The following NPFFR1 variants were observed in gnomAD, a reference collection of about 807,000 sequenced individuals.
The protein encoded by NPFFR1 is neuropeptide FF receptor 1.
In NPFFR1, 17 loss-of-function variants were observed where a neutral mutation model predicts 12.7. The observed-to-expected ratio is 1.34, with a 90% confidence interval of 0.92 to 2.01. The LOEUF is 2.01. Ranked by LOEUF, NPFFR1 falls within the 30% of genes most tolerant of loss-of-function variation. The pLI, the probability that NPFFR1 is intolerant of heterozygous loss-of-function variation, is 0.00. For synonymous variants in NPFFR1, 296 were observed against 264.5 expected (o/e 1.12, Z -1.16); for missense variants, 604 against 606.5 (o/e 1.00, Z 0.04).
At chr10:70,279,902 C>T (rs1589917127) in intron 1 of NPFFR1, among the ~76,000 whole-genome samples, 2 of 152,240 alleles carry the variant, frequency 1.3e-5, no homozygotes, top group East Asian at 1.9e-4. Flanking sequence ...CATTCTCCCC[C>T]ACCACAGAGC....
At position 70,248,485 on chromosome 10, in the gene NPFFR1, G is replaced by GTTTTTTTTTTTTTTTTTTTTTT. The variant is rs869052329; in HGVS notation, c.*6471_*6472insAAAAAAAAAAAAAAAAAAAAAA. 1.1e-5 allele frequency: 1 copy of GTTTTTTTTTTTTTTTTTTTTTT among 91,332 alleles called. No homozygotes were observed. The highest frequency in any genetic ancestry group is 2.1e-5 in the Non-Finnish European group (1 of 46,990). 5.7% of individuals were successfully genotyped at this position (91,332 alleles called of 1,614,324 possible). Reference sequence around the variant, plus strand: ...GCCTGGCGTTTTTTTTTTGTTTTTTGTTTTTTTTTTTTTTTTTTGAGATGG... The same window carrying GTTTTTTTTTTTTTTTTTTTTTT: ...GCCTGGCGTTTTTTTTTTGTTTTTTGTTTTTTTTTTTTTTTTTTTTTTTTTTTTTTTTTTTTTTTTGAGATGG... On this transcript the variant is annotated 3_prime_UTR_variant, in exon 4 of 4. Transcript: ENST00000277942.
intron 3 of NPFFR1, among the ~76,000 whole-genome samples, chr10:70,258,117 G>C (rs1413284892): frequency 6.6e-6 from 1 of 152,152 alleles, no homozygotes; most frequent in Non-Finnish European, 1.5e-5. Context: ...TGGGCCCACT[G>C]TTGTTTCTCT....
chr10:70,272,211 G>GAAAGAAAGAAAGAAAGAGA lies in NPFFR1; in HGVS notation c.8-5821_8-5820insTCTCTTTCTTTCTTTCTTT, dbSNP rs10664195. 5.7e-4 allele frequency among the ~76,000 whole-genome samples: 32 copies of GAAAGAAAGAAAGAAAGAGA among 55,864 alleles called. 1 individual carries two copies. The highest frequency in any genetic ancestry group is 3.7e-3 in the South Asian group (7 of 1,884). The allele number at this position is 55,864 out of a possible 152,430, so 36.6% of individuals were successfully genotyped here. On this transcript the variant is annotated intron_variant, in intron 1 of 3. Coordinates refer to ENST00000277942, the MANE Select transcript of NPFFR1 (RefSeq NM_022146.5). ...GGGAGGAAAGAAAGAAAGAAAGAAA[G>GAAAGAAAGAAAGAAAGAGA]GAAAGAAAGAAAGAAAGAAAGAAAG... is the stretch of plus-strand genomic sequence containing the variant.
intron 1 of NPFFR1, among the ~76,000 whole-genome samples, chr10:70,283,191 G>A (rs1169416926): frequency 6.6e-6 from 1 of 151,690 alleles, no homozygotes; most frequent in Non-Finnish European, 1.5e-5. Context: ...CACAAATACA[G>A]AGGCACCCCA....
intron 1 of NPFFR1, among the ~76,000 whole-genome samples, chr10:70,277,455 G>T (rs1452526360): frequency 6.6e-6 from 1 of 152,216 alleles, no homozygotes; most frequent in Non-Finnish European, 1.5e-5. Flanking sequence ...AAAGGACAGG[G>T]CACAGAGACT....
chr10:70,250,530 G>A lies in NPFFR1; in HGVS notation c.*4427C>T, dbSNP rs567768203. The A allele has an allele frequency of 2.0e-5, 3 of 152,340 alleles. No individual in the cohort carries two copies. The highest frequency in any genetic ancestry group is 7.2e-5 in the African/African-American group (3 of 41,560). 9.4% of individuals were successfully genotyped at this position (152,340 alleles called of 1,614,324 possible). The stretch of plus-strand genomic sequence containing the variant: ...CAACTGATGAATGGATAAACAAAAT[G>A]TGATCTATTCATACAGTGGAATAGT... On this transcript the variant is annotated 3_prime_UTR_variant, in exon 4 of 4. Coordinates refer to ENST00000277942, the MANE Select transcript of NPFFR1 (RefSeq NM_022146.5).
chr10:70,253,917 G>A lies in NPFFR1; in HGVS notation c.*1040C>T, dbSNP rs1052949601. ...CCTCCTTAGAGTACACAAGTCATTTGTGCTGGGGAAGAGTTTAGTGTGTGT... is the reference window on the plus strand; with the variant it reads ...CCTCCTTAGAGTACACAAGTCATTTATGCTGGGGAAGAGTTTAGTGTGTGT... On this transcript the variant is annotated 3_prime_UTR_variant, in exon 4 of 4. Coordinates refer to ENST00000277942, the MANE Select transcript of NPFFR1 (RefSeq NM_022146.5). The A allele has an allele frequency of 6.6e-6, 1 of 152,154 alleles. No homozygotes were observed. Among genetic ancestry groups the A allele is most frequent in the Admixed American group, 6.5e-5 (1 of 15,274 alleles). 9.4% of individuals were successfully genotyped at this position (152,154 alleles called of 1,614,324 possible).
chr10:70,277,682 A>G (rs1221511311), intron 1 of NPFFR1, among the ~76,000 whole-genome samples: 1 of 152,116 alleles, frequency 6.6e-6, no homozygotes, highest in Non-Finnish European at 1.5e-5. Flanking sequence ...TCTCTCAGCC[A>G]CAGAGCTTCT....
chr10:70,268,271 AC>A (rs914685901), intron 1 of NPFFR1, among the ~76,000 whole-genome samples: 13 of 152,236 alleles, frequency 8.5e-5, no homozygotes, highest in African/African-American at 2.7e-4. Context: ...ACTCAAAAAA[AC>A]AACATGAAAA....
At chr10:70,264,190 A>T (rs1840664190) in intron 2 of NPFFR1, among the ~76,000 whole-genome samples, 1 of 152,064 alleles carries the variant, frequency 6.6e-6, no homozygotes, top group Non-Finnish European at 1.5e-5. Context: ...ACTGGCTAAC[A>T]TGGTGAAACC....
chr10:70,282,589 G>C (rs985049307), intron 1 of NPFFR1, among the ~76,000 whole-genome samples: 10 of 152,048 alleles, frequency 6.6e-5, no homozygotes, highest in Non-Finnish European at 1.5e-4. Flanking sequence ...TGGAATTTTG[G>C]GGTTTTATTA....
intron 1 of NPFFR1, among the ~76,000 whole-genome samples, chr10:70,274,221 A>C (rs1840777788): frequency 6.6e-6 from 1 of 150,882 alleles, no homozygotes; most frequent in Non-Finnish European, 1.5e-5. Context: ...AGATGGAAGG[A>C]GGCAGATCAC....
In NPFFR1 at chr10:70,254,766, G is replaced by C. The variant is rs1444604232; in HGVS notation, c.*191C>G. 1 of 574,794 alleles carries C rather than the reference G, an allele frequency of 1.7e-6. No homozygotes were observed. Among genetic ancestry groups the C allele is most frequent in the East Asian group, 3.5e-5 (1 of 28,962 alleles). The allele number at this position is 574,794 out of a possible 1,614,324, so 35.6% of individuals were successfully genotyped here. On this transcript the variant is annotated 3_prime_UTR_variant, in exon 4 of 4. Coordinates refer to ENST00000277942, the MANE Select transcript of NPFFR1 (RefSeq NM_022146.5). ...ACACAGGGCAAGTTGGTTCCTTCCC[G>C]TCCCCCGCATTTGCCTCTACTGAGG...
At chr10:70,283,610 C>G (rs151226427) in intron 1 of NPFFR1, 60 bp downstream of exon 1, 18,021 of 1,487,084 alleles carry the variant, frequency 0.012, 130 homozygotes, top group Middle Eastern at 0.039. Context: ...CTCCCTTCGC[C>G]CCATGCCCCG....
rs866906753 is a variant in NPFFR1 at position 70,254,971 on chromosome 10, C to T, written c.1279G>A (p.Ala427Thr). 3 of 1,435,492 alleles carry T rather than the reference C, an allele frequency of 2.1e-6. No individual in the cohort carries two copies. Among genetic ancestry groups the T allele is most frequent in the African/African-American group, 3.0e-5 (2 of 66,668 alleles). 88.9% of individuals were successfully genotyped at this position (1,435,492 alleles called of 1,614,324 possible). A position where few individuals can be genotyped will look rare whatever the true frequency, so the allele number is the denominator to read the frequency against. Reference protein sequence around the residue: ...GCSHLPLTIPAWDI With the variant: ...GCSHLPLTIPTWDI ...CCTGGACCCCCTCAGATATCCCAGGCTGGAATGGTGAGGGGCAGGTGGGAG... is the reference window on the plus strand; with the variant it reads ...CCTGGACCCCCTCAGATATCCCAGGTTGGAATGGTGAGGGGCAGGTGGGAG... Residue 427 changes from alanine (A) to threonine (T), a missense_variant, in exon 4 of 4, where the codon GCC (alanine) becomes ACC (threonine). Transcript: ENST00000277942.
chr10:70,260,561 C>T (rs1463466721), intron 3 of NPFFR1, 79 bp downstream of exon 3: 12 of 1,277,434 alleles, frequency 9.4e-6, no homozygotes, highest in Non-Finnish European at 1.1e-6. Flanking sequence ...TTCCAGCCAA[C>T]CCAGCATTAG....
chr10:70,262,938 G>A (rs376654383), intron 2 of NPFFR1, among the ~76,000 whole-genome samples: 2 of 152,238 alleles, frequency 1.3e-5, no homozygotes, highest in East Asian at 1.9e-4. Context: ...CAGGAGGATC[G>A]CTTGAGCCCA....
At chr10:70,267,482 G>A (rs535157558) in intron 1 of NPFFR1, among the ~76,000 whole-genome samples, 6 of 152,208 alleles carry the variant, frequency 3.9e-5, no homozygotes, top group African/African-American at 1.4e-4. Context: ...TGAAATGGAG[G>A]TCAGAAAGGT....
In NPFFR1 at chr10:70,253,180, A is replaced by G. The variant is rs1014360; in HGVS notation, c.*1777T>C. On this transcript the variant is annotated 3_prime_UTR_variant, in exon 4 of 4. Transcript: ENST00000277942. ...CCCCCAGAACCAGGACAAGGTCATG[A>G]TGGCTCTTGGCAGCCTGCTCAGCAC... The G allele has an allele frequency of 0.17, 25,194 of 152,300 alleles. 2,302 individuals carry two copies. Among genetic ancestry groups the G allele is most frequent in the African/African-American group, 0.22 (8,973 of 41,464 alleles). The allele number at this position is 152,300 out of a possible 1,614,324, so 9.4% of individuals were successfully genotyped here.
Sources: allele counts gnomAD v4.1 joint callset (sites outside exome capture counted in the v4.1 genomes callset), GRCh38; gene constraint gnomAD v4.1.1; transcripts MANE v1.5; gene names NCBI Gene and HGNC (gene_info 2026-07-23, HGNC 2026-07-21).